Variants in MALRD1 observed in about 807,000 individuals in gnomAD.
The protein encoded by MALRD1 is MAM and LDL-receptor class A domain-containing protein 1.
Under a neutral mutation model 242.1 loss-of-function variants are expected in MALRD1, and 247 were observed. The ratio of observed to expected loss-of-function variants is 1.02; its 90% CI spans 0.92 to 1.13. The LOEUF (loss-of-function observed/expected upper bound fraction) is 1.13. MALRD1 is among the 50% of genes most tolerant of loss of function. The pLI, the probability that MALRD1 is intolerant of heterozygous loss-of-function variation, is 0.00. For synonymous variants in MALRD1, 995 were observed against 866.6 expected, an observed-to-expected ratio of 1.15 and a Z score of -2.60; for missense variants, 2,989 against 2,533.1, an observed-to-expected ratio of 1.18 and a Z score of -3.86.
intron 4 of MALRD1, among the ~76,000 whole-genome samples, chr10:19,099,761 A>ATT (rs71767071): frequency 8.6e-4 from 90 of 104,934 alleles, no homozygotes; most frequent in African/African-American, 3.0e-3. Flanking sequence ...ATATATATAT[A>ATT]TATTTTTTTT....
At chr10:19,055,933 C>A (rs1021292586) in intron 1 of MALRD1, among the ~76,000 whole-genome samples, 1 of 152,174 alleles carries the variant, frequency 6.6e-6, no homozygotes, top group Non-Finnish European at 1.5e-5. Context: ...TCTACACAAA[C>A]CCTCATGACA....
intron 35 of MALRD1, 23 bp from the exon 36 acceptor site, chr10:19,615,834 G>A (rs77580025): frequency 4.0e-6 from 6 of 1,501,450 alleles, no homozygotes; most frequent in Admixed American, 2.0e-5. Flanking sequence ...ATTAACTGGT[G>A]TCTTTGTGAT....
chr10:19,100,322 C>T (rs1836206344), intron 4 of MALRD1, among the ~76,000 whole-genome samples: 1 of 152,100 alleles, frequency 6.6e-6, no homozygotes, highest in Non-Finnish European at 1.5e-5. Flanking sequence ...TTCAAAATAA[C>T]GTTTCATCAG....
chr10:19,473,654 C>G (rs1836601985), intron 29 of MALRD1, among the ~76,000 whole-genome samples: 1 of 152,046 alleles, frequency 6.6e-6, no homozygotes, highest in Non-Finnish European at 1.5e-5. Context: ...GTCAAAACTT[C>G]CATGAAAACT....
chr10:19,177,153 A>G (rs1045695715), intron 14 of MALRD1, among the ~76,000 whole-genome samples: 2 of 151,606 alleles, frequency 1.3e-5, no homozygotes, highest in Non-Finnish European at 2.9e-5. Context: ...GGTGGCGGGC[A>G]CCTGTAGTCC....
intron 31 of MALRD1, among the ~76,000 whole-genome samples, chr10:19,504,566 C>G (rs138256976): frequency 9.4e-4 from 142 of 151,414 alleles, no homozygotes; most frequent in African/African-American, 3.3e-3. Flanking sequence ...CATATGCACT[C>G]AAACATACAC....
In MALRD1 at chr10:19,467,412, A is replaced by AAAAAAG. The variant is rs1836274934; in HGVS notation, c.5029+16922_5029+16923insAAAAAG. 5.7e-5 allele frequency among the ~76,000 whole-genome samples: 8 copies of AAAAAAG among 141,498 alleles called. 1 individual carries two copies. Among genetic ancestry groups the AAAAAAG allele is most frequent in the South Asian group, 2.3e-4 (1 of 4,304 alleles). The allele number at this position is 141,498 out of a possible 152,430, so 92.8% of individuals were successfully genotyped here. On this transcript the variant is annotated intron_variant, in intron 29 of 39. Coordinates refer to ENST00000454679, the MANE Select transcript of MALRD1 (RefSeq NM_001142308.3). ...CGTCTCAAAAAAAAAAAAAAAAAAA[A>AAAAAAG]GAAAAAGACCTTTCTTACAGCGCTA...
chr10:19,208,252 A>T (rs1836874336), intron 17 of MALRD1, among the ~76,000 whole-genome samples: 1 of 152,180 alleles, frequency 6.6e-6, no homozygotes, highest in Non-Finnish European at 1.5e-5. Flanking sequence ...GTGAGAAGAA[A>T]AGACCCATAC....
chr10:19,360,998 C>A (rs1308917478), intron 26 of MALRD1, among the ~76,000 whole-genome samples: 4 of 151,958 alleles, frequency 2.6e-5, no homozygotes, highest in Non-Finnish European at 4.4e-5. Context: ...GCACCATTGC[C>A]TAAACAAGTT....
At chr10:19,575,034 A>G (rs955161459) in intron 33 of MALRD1, among the ~76,000 whole-genome samples, 18 of 152,224 alleles carry the variant, frequency 1.2e-4, no homozygotes, top group Admixed American at 1.1e-3. Context: ...TAGTGTCTAC[A>G]GCTCTCAAGG....
intron 36 of MALRD1, among the ~76,000 whole-genome samples, chr10:19,640,488 A>G (rs1166581102): frequency 7.6e-6 from 1 of 130,786 alleles, no homozygotes; most frequent in Non-Finnish European, 1.8e-5. Context: ...AGAAGAAAGT[A>G]TGTTTTAATT....
At chr10:19,587,891 C>A (rs1371259512) in intron 33 of MALRD1, among the ~76,000 whole-genome samples, 1 of 146,748 alleles carries the variant, frequency 6.8e-6, no homozygotes, top group Non-Finnish European at 1.5e-5. Flanking sequence ...ATGCCAGTTC[C>A]TAAATTCCTT....
At chr10:19,270,004 A>T (rs944899264) in intron 19 of MALRD1, among the ~76,000 whole-genome samples, 2 of 152,218 alleles carry the variant, frequency 1.3e-5, no homozygotes, top group African/African-American at 4.8e-5. Flanking sequence ...TGAAATCAGA[A>T]CTAAAGATGC....
At chr10:19,207,603 C>T (rs1437333075) in intron 17 of MALRD1, among the ~76,000 whole-genome samples, 3 of 152,092 alleles carry the variant, frequency 2.0e-5, no homozygotes, top group East Asian at 3.9e-4. Context: ...CGGGTTCAAG[C>T]GATTCTCCTG....
At chr10:19,439,080 T>C (rs1834489607) in intron 28 of MALRD1, among the ~76,000 whole-genome samples, 1 of 152,042 alleles carries the variant, frequency 6.6e-6, no homozygotes, top group South Asian at 2.1e-4. Flanking sequence ...CAGATTATAC[T>C]TGAAAACTAC....
At chr10:19,242,119 T>G (rs779370015) in intron 18 of MALRD1, among the ~76,000 whole-genome samples, 7 of 152,178 alleles carry the variant, frequency 4.6e-5, no homozygotes, top group Non-Finnish European at 1.0e-4. Context: ...AGAGGTTTAG[T>G]GGACTCATAG....
At chr10:19,221,519 G>T (rs943480401) in intron 18 of MALRD1, among the ~76,000 whole-genome samples, 3 of 152,092 alleles carry the variant, frequency 2.0e-5, no homozygotes, top group African/African-American at 7.2e-5. Context: ...AATTTAAAAT[G>T]TAACGGCAGT....
Position 19,481,148 on chromosome 10 carries a change from A to G in MALRD1, c.5030-10369A>G, listed in dbSNP as rs563295247. Among the ~76,000 whole-genome samples the G allele has an allele frequency of 2.6e-5, 4 of 152,264 alleles. No individual in the cohort carries two copies. In the East Asian group the frequency reaches 7.7e-4, roughly 29 times the overall value. Reference sequence around the variant, plus strand: ...TTCAGCATGCACCTTGCCTCTGTGTATTGCCAGTGAAATCACATTTTAAAA... The same window carrying G: ...TTCAGCATGCACCTTGCCTCTGTGTGTTGCCAGTGAAATCACATTTTAAAA... On this transcript the variant is annotated intron_variant, in intron 29 of 39. Transcript: ENST00000454679.
intron 28 of MALRD1, among the ~76,000 whole-genome samples, chr10:19,396,424 T>C (rs890734875): frequency 6.6e-6 from 1 of 152,148 alleles, no homozygotes; most frequent in Non-Finnish European, 1.5e-5. Flanking sequence ...CATGAGCCAC[T>C]GTGCTGGCCT....
Sources: gnomAD v4.1 joint callset for allele counts (sites outside exome capture counted in the v4.1 genomes callset) on GRCh38, gnomAD v4.1.1 for gene constraint, MANE v1.5 for transcripts, NCBI Gene and HGNC (gene_info 2026-07-23, HGNC 2026-07-21) for gene names.